Variants in GRIK1 observed in about 807,000 individuals in gnomAD.
GRIK1 encodes glutamate receptor ionotropic, kainate 1.
A neutral mutation model predicts 105.7 loss-of-function variants in GRIK1; 69 were observed. The ratio of observed to expected loss-of-function variants is 0.65; its 90% CI spans 0.54 to 0.80. The LOEUF is 0.80. Ranked by LOEUF, GRIK1 falls within the 30% of genes least tolerant of loss-of-function variation. The pLI is 0.00. For missense variants in GRIK1, 1,109 were observed against 1,167.3 expected, an observed-to-expected ratio of 0.95 and a Z score of 0.73; for synonymous variants, 438 against 431.3, an observed-to-expected ratio of 1.02 and a Z score of -0.19.
intron 1 of GRIK1, among the ~76,000 whole-genome samples, chr21:29,716,608 A>C (rs900782890): frequency 1.1e-4 from 16 of 152,180 alleles, no homozygotes; most frequent in African/African-American, 3.1e-4. Flanking sequence ...TAGCAAAGAG[A>C]CAGCATTTTG....
intron 7 of GRIK1, among the ~76,000 whole-genome samples, chr21:29,614,436 G>A (rs1018359081): frequency 2.5e-5 from 3 of 119,378 alleles, no homozygotes; most frequent in Admixed American, 2.0e-4. Flanking sequence ...TTTTTGGGAC[G>A]GAGTTTCGCC....
chr21:29,560,581 TTTCTTTCTTTCTCTCCTTCCTTCC>T (rs2090452625), intron 15 of GRIK1, among the ~76,000 whole-genome samples: 1 of 127,952 alleles, frequency 7.8e-6, no homozygotes, highest in African/African-American at 2.9e-5. Flanking sequence ...TCTTTCTCTC[TTTCTTTCTTTCTCTCCTTCCTTCC>T]TTCTTTCTTT....
chr21:29,648,916 A>T (rs933291384), intron 6 of GRIK1, among the ~76,000 whole-genome samples: 9 of 152,212 alleles, frequency 5.9e-5, no homozygotes, highest in African/African-American at 1.4e-4. Context: ...GGACCCAATG[A>T]AACTGAAACC....
intron 1 of GRIK1, among the ~76,000 whole-genome samples, chr21:29,749,824 G>A (rs2065138045): frequency 1.3e-5 from 2 of 152,132 alleles, no homozygotes; most frequent in Non-Finnish European, 2.9e-5. Context: ...ACTCCTCTGA[G>A]TCTCAATTTC....
At chr21:29,588,661 A>C (rs2061283820) in intron 11 of GRIK1, among the ~76,000 whole-genome samples, 178 bp downstream of exon 11, 1 of 152,130 alleles carries the variant, frequency 6.6e-6, no homozygotes, top group African/African-American at 2.4e-5. Context: ...TTTATCATTA[A>C]TTTTTATCTT....
chr21:29,913,554 A>G (rs1208075639), intron 1 of GRIK1, among the ~76,000 whole-genome samples: 1 of 151,832 alleles, frequency 6.6e-6, no homozygotes, highest in Non-Finnish European at 1.5e-5. Flanking sequence ...ATGATAAAAG[A>G]CTAACTGTAA....
chr21:29,588,696 C>T, intron 11 of GRIK1, 143 bp downstream of exon 11: 1 of 615,812 alleles, frequency 1.6e-6, no homozygotes, highest in Admixed American at 3.0e-5. Flanking sequence ...AGTAAGCAAA[C>T]TCCATTTCCA....
intron 7 of GRIK1, among the ~76,000 whole-genome samples, chr21:29,600,666 CA>C (rs1445331840): frequency 5.3e-5 from 8 of 152,194 alleles, no homozygotes; most frequent in African/African-American, 1.9e-4. Flanking sequence ...CAGAGCAATG[CA>C]GTGAATTTTC....
At chr21:29,692,927 G>T (rs978595963) in intron 2 of GRIK1, among the ~76,000 whole-genome samples, 4 of 152,180 alleles carry the variant, frequency 2.6e-5, no homozygotes, top group African/African-American at 9.7e-5. Flanking sequence ...TATTTTGTTT[G>T]CAAAGAACAC....
At chr21:29,707,449 TCCCTCCCTCCCTCCCTC>T (rs2063939987) in intron 1 of GRIK1, among the ~76,000 whole-genome samples, 1 of 38,936 alleles carries the variant, frequency 2.6e-5, no homozygotes, top group African/African-American at 9.4e-5. Context: ...CCTCCCTCCC[TCCCTCCCTCCCTCCCTC>T]CCTCCCTCTC....
chr21:29,820,048 A>G (rs1298284529), intron 1 of GRIK1, among the ~76,000 whole-genome samples: 2 of 149,386 alleles, frequency 1.3e-5, no homozygotes, highest in East Asian at 3.9e-4. Context: ...GGAGCTTTTG[A>G]AAAAAAAAAA....
chr21:29,567,187 T>C (rs2146200309), intron 14 of GRIK1, among the ~76,000 whole-genome samples: 1 of 152,338 alleles, frequency 6.6e-6, no homozygotes, highest in Non-Finnish European at 1.5e-5. Flanking sequence ...AGTATTTTGC[T>C]TTTCATATAG....
At chr21:29,938,104 A>T (rs1457681234) in intron 1 of GRIK1, among the ~76,000 whole-genome samples, 1 of 152,166 alleles carries the variant, frequency 6.6e-6, no homozygotes, top group East Asian at 1.9e-4. Flanking sequence ...AATAAAACCT[A>T]GTATGTTCTG....
chr21:29,730,313 G>A (rs1398382682), intron 1 of GRIK1, among the ~76,000 whole-genome samples: 2 of 152,134 alleles, frequency 1.3e-5, no homozygotes, highest in African/African-American at 2.4e-5. Flanking sequence ...CCTTCTGAGA[G>A]GTAGGTATTT....
intron 9 of GRIK1, chr21:29,596,223 T>A (rs1421466207): frequency 8.4e-6 from 4 of 475,114 alleles, no homozygotes; most frequent in Non-Finnish European, 1.6e-5. Flanking sequence ...TGTCTCCTTC[T>A]GTTACAGTTG....
chr21:29,557,775 A>G (rs1218048001), intron 15 of GRIK1, among the ~76,000 whole-genome samples: 2 of 152,216 alleles, frequency 1.3e-5, no homozygotes, highest in Non-Finnish European at 2.9e-5. Flanking sequence ...AAAAATTAGC[A>G]CCATTGATAT....
intron 7 of GRIK1, among the ~76,000 whole-genome samples, chr21:29,604,173 G>T (rs999154000): frequency 1.3e-5 from 2 of 152,160 alleles, no homozygotes; most frequent in African/African-American, 2.4e-5. Flanking sequence ...TGAACTTAGT[G>T]TTCCAATCAC....
At chr21:29,841,716 T>G (rs554307582) in intron 1 of GRIK1, among the ~76,000 whole-genome samples, 1 of 152,300 alleles carries the variant, frequency 6.6e-6, no homozygotes, top group South Asian at 2.1e-4. Flanking sequence ...TCATCATTGT[T>G]GCAAAAGAAT....
intron 1 of GRIK1, among the ~76,000 whole-genome samples, chr21:29,724,381 G>C (rs1054176722): frequency 3.9e-5 from 6 of 152,142 alleles, no homozygotes; most frequent in Non-Finnish European, 7.3e-5. Flanking sequence ...AATCTGGCAG[G>C]ATTCATTTCT....
Sources: gnomAD v4.1 joint callset for allele counts (sites outside exome capture counted in the v4.1 genomes callset) on GRCh38, gnomAD v4.1.1 for gene constraint, MANE v1.5 for transcripts, NCBI Gene and HGNC (gene_info 2026-07-23, HGNC 2026-07-21) for gene names.